ATAD2: variants seen among roughly 807,000 people sequenced by gnomAD.
ATAD2 encodes ATPase family AAA domain-containing protein 2.
ATAD2 carries 62 observed loss-of-function variants against 168.9 expected under a neutral mutation model. The observed-to-expected ratio is 0.37, with a 90% confidence interval of 0.30 to 0.45. The LOEUF (loss-of-function observed/expected upper bound fraction) is 0.45. ATAD2 is among the 20% of genes least tolerant of loss of function. The probability of loss-of-function intolerance (pLI) is 1.00; values close to 1 mark genes in which losing one functional copy is unlikely to be tolerated. For missense variants in ATAD2, 1,419 were observed against 1,667.8 expected (o/e 0.85, Z 2.60); for synonymous variants, 613 against 571.6 (o/e 1.07, Z -1.03).
chr8:123,401,741 G>A, intron 1 of ATAD2: 2 of 746,738 alleles, frequency 2.7e-6, no homozygotes, highest in Admixed American at 3.6e-5. Flanking sequence ...CCTGCTGGCT[G>A]CCACCTCGGA....
In ATAD2 at chr8:123,375,284, C is replaced by T. The variant is rs149361684; in HGVS notation, c.321-2598G>A. 4.1e-3 allele frequency among the ~76,000 whole-genome samples: 618 copies of T among 152,096 alleles called. 6 individuals are homozygous for T. Among genetic ancestry groups the T allele is most frequent in the African/African-American group, 0.014 (592 of 41,520 alleles). ...TGGCCAATAAGCACATAAAATGATG[C>T]TCAACATTATTAGCCATCAGGGAAA... On this transcript the variant is annotated intron_variant, in intron 2 of 27. Coordinates refer to ENST00000287394, the MANE Select transcript of ATAD2 (RefSeq NM_014109.4).
Position 123,320,713 on chromosome 8 carries a change from A to G in ATAD2, c.*421T>C, listed in dbSNP as rs190664810. On this transcript the variant is annotated 3_prime_UTR_variant, in exon 28 of 28. Transcript: ENST00000287394. Reference sequence around the variant, plus strand: ...GGCATTTGAAGAAAACAAAGATGACAAAAAAGATGGGAAGGACACAATGGT... The same window carrying G: ...GGCATTTGAAGAAAACAAAGATGACGAAAAAGATGGGAAGGACACAATGGT... 3.4e-4 allele frequency: 55 copies of G among 162,222 alleles called. No homozygotes were observed. The highest frequency in any genetic ancestry group is 1.3e-3 in the African/African-American group (54 of 41,652). The allele number at this position is 162,222 out of a possible 1,614,324, so 10.0% of individuals were successfully genotyped here.
chr8:123,321,987 C>CTTTTTTTTTTTTT (rs869048943), intron 27 of ATAD2, among the ~76,000 whole-genome samples: 12 of 136,472 alleles, frequency 8.8e-5, no homozygotes, highest in African/African-American at 2.8e-4. Flanking sequence ...GTACATAAGT[C>CTTTTTTTTTTTTT]TTTTTTTTTT....
chr8:123,393,208 C>T (rs1377726561), intron 1 of ATAD2, among the ~76,000 whole-genome samples: 4 of 147,586 alleles, frequency 2.7e-5, no homozygotes, highest in Non-Finnish European at 1.5e-5. Flanking sequence ...AAAAGATTCA[C>T]TGCATTAAGA....
chr8:123,322,042 C>T (rs910435101), intron 27 of ATAD2, among the ~76,000 whole-genome samples: 1 of 145,838 alleles, frequency 6.9e-6, no homozygotes, highest in African/African-American at 2.6e-5. Flanking sequence ...GGCTGGAGTG[C>T]AGTAGCTTGA....
intron 24 of ATAD2, among the ~76,000 whole-genome samples, chr8:123,331,240 ATTCTT>A (rs1219179605): frequency 2.0e-5 from 3 of 147,976 alleles, no homozygotes; most frequent in Admixed American, 1.3e-4. Flanking sequence ...TGCGCCTGGT[ATTCTT>A]TTCTCTCTTT....
intron 22 of ATAD2, among the ~76,000 whole-genome samples, chr8:123,335,653 CA>C (rs1827894065): frequency 6.6e-6 from 1 of 152,096 alleles, no homozygotes; most frequent in Admixed American, 6.5e-5. Context: ...GCAGAACAAA[CA>C]TATCATTAAA....
intron 1 of ATAD2, among the ~76,000 whole-genome samples, chr8:123,412,604 A>T (rs55851239): frequency 0.01 from 1,086 of 107,350 alleles, 17 homozygotes; most frequent in African/African-American, 0.029. Flanking sequence ...AATTAAAAAA[A>T]ATTTTTTTTT....
chr8:123,323,020 AAT>A lies in ATAD2; in HGVS notation c.4047_4048del (p.Phe1350SerfsTer21). The stretch of plus-strand genomic sequence containing the variant: ...TACTGCATACAAATTTTCCAACTGA[AAT>A]ATGTTGTAGTTTTGACTTTTTTTAA... On this transcript the variant is annotated frameshift_variant, in exon 27 of 28. Coordinates refer to ENST00000287394, the MANE Select transcript of ATAD2 (RefSeq NM_014109.4). LOFTEE classifies it high-confidence loss of function. The A allele has an allele frequency of 6.2e-7, 1 of 1,612,732 alleles. No individual in the cohort carries two copies. The highest frequency in any genetic ancestry group is 8.5e-7 in the Non-Finnish European group (1 of 1,178,842).
intron 1 of ATAD2, among the ~76,000 whole-genome samples, chr8:123,382,697 A>G (rs1829527096): frequency 6.6e-6 from 1 of 152,250 alleles, no homozygotes; most frequent in Non-Finnish European, 1.5e-5. Flanking sequence ...GTCAAGAAAC[A>G]ACAGATGCTG....
chr8:123,374,383 T>A (rs1031216818), intron 2 of ATAD2, among the ~76,000 whole-genome samples: 7 of 152,042 alleles, frequency 4.6e-5, no homozygotes, highest in African/African-American at 1.7e-4. Context: ...AACTTTTGAG[T>A]AGTTCATCTA....
chr8:123,350,992 TCCC>T (rs1828436958), intron 13 of ATAD2, among the ~76,000 whole-genome samples: 2 of 151,982 alleles, frequency 1.3e-5, no homozygotes, highest in African/African-American at 4.8e-5. Flanking sequence ...TGCCTAGGAC[TCCC>T]AAAGTGCTGG....
chr8:123,396,558 A>G (rs931984931), upstream of ATAD2: 1 of 575,756 alleles, frequency 1.7e-6, no homozygotes, highest in Non-Finnish European at 3.0e-6. Context: ...CTCTCCTCCC[A>G]TTTGTAGAGC....
At chr8:123,412,275 A>C (rs993196898) in intron 1 of ATAD2, among the ~76,000 whole-genome samples, 1 of 152,176 alleles carries the variant, frequency 6.6e-6, no homozygotes, top group Admixed American at 6.6e-5. Flanking sequence ...TTAAGTCACT[A>C]ATATTTTTGG....
intron 4 of ATAD2, 123 bp downstream of exon 4, chr8:123,371,547 T>C (rs758146430): frequency 9.9e-6 from 9 of 913,430 alleles, no homozygotes; most frequent in Non-Finnish European, 1.4e-5. Flanking sequence ...CTGATAATCA[T>C]TCTCCTGTAC....
chr8:123,396,199 T>G lies in ATAD2; in HGVS notation c.159A>C (p.Thr53=). ...GAAQKKPAAT[T]AKAGDGSSVK... is the part of the protein sequence containing the mutation. ...GGCCCGTACTCACGCCCGCTTTGGC[T>G]GTGGTCGCCGCGGGTTTCTTCTGCG... The change falls in exon 1 of 28, where the codon ACA becomes ACC. Residue 53 remains threonine (T), a synonymous_variant. Transcript: ENST00000287394. 1.3e-6 allele frequency: 2 copies of G among 1,580,218 alleles called. No homozygotes were observed. The highest frequency in any genetic ancestry group is 1.8e-5 in the Admixed American group (1 of 56,752).
chr8:123,324,205 C>G (rs929771908), intron 26 of ATAD2, among the ~76,000 whole-genome samples: 1 of 152,174 alleles, frequency 6.6e-6, no homozygotes, highest in African/African-American at 2.4e-5. Context: ...GTGTAGACAT[C>G]AAGTTCTTAT....
At chr8:123,406,798 T>TA (rs1383710113) in intron 1 of ATAD2, among the ~76,000 whole-genome samples, 1 of 138,378 alleles carries the variant, frequency 7.2e-6, no homozygotes, top group Admixed American at 7.8e-5. Context: ...GCCTGGGTGA[T>TA]AGAGTGAGAC....
chr8:123,326,741 G>C (rs563116580), intron 25 of ATAD2, among the ~76,000 whole-genome samples: 1 of 152,130 alleles, frequency 6.6e-6, no homozygotes, highest in Admixed American at 6.6e-5. Flanking sequence ...TTCCCAGCAG[G>C]GTTGAGTAGT....
Sources: allele counts gnomAD v4.1 joint callset (sites outside exome capture counted in the v4.1 genomes callset), GRCh38; gene constraint gnomAD v4.1.1; transcripts MANE v1.5; gene names NCBI Gene and HGNC (gene_info 2026-07-23, HGNC 2026-07-21).